RARS1: variants seen among roughly 807,000 people sequenced by gnomAD.
RARS1 encodes arginine--tRNA ligase, cytoplasmic.
A neutral mutation model predicts 78.7 loss-of-function variants in RARS1; 75 were observed. The ratio of observed to expected loss-of-function variants is 0.95; its 90% CI spans 0.79 to 1.15. The LOEUF is 1.15. Ranked by LOEUF, RARS1 falls within the 50% of genes most tolerant of loss-of-function variation. RARS1 has a pLI of 0.00. For missense variants in RARS1, 787 were observed against 787.5 expected (o/e 1.00, Z 0.01); for synonymous variants, 273 against 268.2 (o/e 1.02, Z -0.18).
intron 9 of RARS1, among the ~76,000 whole-genome samples, chr5:168,504,779 C>T (rs564062735): frequency 2.0e-5 from 3 of 151,796 alleles, no homozygotes; most frequent in South Asian, 2.1e-4. Flanking sequence ...GAGCCGAGAT[C>T]GCACCACTGC....
rs79321362 is a variant in RARS1, at chr5:168,510,417, T to C, written c.1347-164T>C. Among the ~76,000 whole-genome samples, 2,202 of 152,302 alleles carry C rather than the reference T, an allele frequency of 0.014. 28 individuals are homozygous for C. Among genetic ancestry groups the C allele is most frequent in the Non-Finnish European group, 0.024 (1,646 of 68,030 alleles). Reference sequence around the variant, plus strand: ...TGACTGGCATAAGGCATTGTTACCATTGGCATCAACCCTCTCTTAATAGTT... The same window carrying C: ...TGACTGGCATAAGGCATTGTTACCACTGGCATCAACCCTCTCTTAATAGTT... On this transcript the variant is annotated intron_variant, in intron 11 of 14. Transcript: ENST00000231572.
In RARS1 at chr5:168,502,956, T is replaced by G. The variant is rs371850363; in HGVS notation, c.1057+851T>G. ...CCTCTTTTTAAATTTCTTTTATTGT[T>G]GAAGAAACTGGGCTATTTGTCCTAA... On this transcript the variant is annotated intron_variant, in intron 9 of 14. Transcript: ENST00000231572. Among the ~76,000 whole-genome samples the G allele has an allele frequency of 3.9e-5, 6 of 152,274 alleles. No homozygotes were observed. In the East Asian group the frequency reaches 1.2e-3, roughly 29 times the overall value.
chr5:168,491,201 G>T (rs568463383), intron 2 of RARS1, among the ~76,000 whole-genome samples: 13 of 152,172 alleles, frequency 8.5e-5, no homozygotes, highest in African/African-American at 2.6e-4. Context: ...TTGGGTATAA[G>T]ATCATAATCT....
intron 5 of RARS1, 38 bp from the exon 6 acceptor site, chr5:168,495,277 G>A (rs1758160835): frequency 6.3e-7 from 1 of 1,595,650 alleles, no homozygotes; most frequent in African/African-American, 1.3e-5. Context: ...TTATGTTTAT[G>A]CCCCTCTTAA....
intron 9 of RARS1, 152 bp downstream of exon 9, chr5:168,502,257 C>T (rs1758342454): frequency 3.5e-6 from 4 of 1,128,562 alleles, no homozygotes; most frequent in Non-Finnish European, 4.6e-6. Context: ...TACCTTCTTA[C>T]ACTGCTTCCC....
chr5:168,494,606 C>G lies in RARS1; in HGVS notation c.535C>G (p.Leu179Val), dbSNP rs770649153. Residue 179 changes from leucine (L) to valine (V), a missense_variant, in exon 5 of 15, where the codon CTA becomes GTA. Transcript: ENST00000231572. ...DFVSEQLTSL[L>V]VNGVQLPALG... ...TGTATCAGAACAATTGACCAGTCTT[C>G]TAGTGAATGGAGTTCAACTACCTGC... 6 of 1,610,738 alleles carry G rather than the reference C, an allele frequency of 3.7e-6. No homozygotes were observed. The highest frequency in any genetic ancestry group is 2.2e-5 in the East Asian group (1 of 44,870).
At chr5:168,495,230 A>G (rs913269264) in intron 5 of RARS1, 85 bp from the exon 6 acceptor site, 1 of 1,494,582 alleles carries the variant, frequency 6.7e-7, no homozygotes, top group Admixed American at 2.0e-5. Context: ...CATTGGAACA[A>G]AATGTTTATG....
Position 168,510,698 on chromosome 5 carries a change from C to A in RARS1, c.1452+12C>A, listed in dbSNP as rs747204598. Reference sequence around the variant, plus strand: ...AAGAAAGAGACAAGGTAATTCAAAGCCTTATAGGCATAATGTGTATCAAGC... The same window carrying A: ...AAGAAAGAGACAAGGTAATTCAAAGACTTATAGGCATAATGTGTATCAAGC... On this transcript the variant is annotated intron_variant, in intron 12 of 14. Coordinates refer to ENST00000231572, the MANE Select transcript of RARS1 (RefSeq NM_002887.4). The A allele has an allele frequency of 6.1e-5, 94 of 1,549,592 alleles. 1 individual carries two copies. The South Asian group carries it at 9.2e-4, about 15-fold the overall frequency.
rs772789222 is a variant in RARS1, at chr5:168,494,508, A to G, written c.479-42A>G. ...ATCCTTAGGAGCGAGTGATTATTCA[A>G]GATAAGACAGTATCTGATATTTTTT... On this transcript the variant is annotated intron_variant, in intron 4 of 14. Coordinates refer to ENST00000231572, the MANE Select transcript of RARS1 (RefSeq NM_002887.4). 1.2e-5 allele frequency: 19 copies of G among 1,603,516 alleles called. No homozygotes were observed. The African/African-American group carries it at 2.4e-4, about 20-fold the overall frequency.
At chr5:168,488,876 T>C in intron 2 of RARS1, 140 bp downstream of exon 2, 1 of 1,004,194 alleles carries the variant, frequency 1.0e-6, no homozygotes, top group Non-Finnish European at 1.4e-6. Context: ...TTCCCTGCAT[T>C]AGACAACTTA....
chr5:168,492,963 C>A, intron 3 of RARS1, 116 bp downstream of exon 3: 1 of 1,039,200 alleles, frequency 9.6e-7, no homozygotes, highest in Non-Finnish European at 1.3e-6. Flanking sequence ...GGACATTTGC[C>A]ACAGTTTGAA....
At position 168,515,334 on chromosome 5, in the gene RARS1, C is replaced by T. The variant is rs542656315; in HGVS notation, c.1453-1444C>T. ...TCTTGCTCTTTTATCTTTTTCCCCC[C>T]ACAAGAGATAGGGGTCTATGTTGTC... On this transcript the variant is annotated intron_variant, in intron 12 of 14. Coordinates refer to ENST00000231572, the MANE Select transcript of RARS1 (RefSeq NM_002887.4). Among the ~76,000 whole-genome samples, 5 of 152,130 alleles carry T rather than the reference C, an allele frequency of 3.3e-5. No homozygotes were observed. The South Asian group carries it at 8.3e-4, about 25-fold the overall frequency.
chr5:168,496,635 A>G (rs990320856), intron 6 of RARS1, among the ~76,000 whole-genome samples: 1 of 151,372 alleles, frequency 6.6e-6, no homozygotes, highest in Non-Finnish European at 1.5e-5. Flanking sequence ...GGCGCCCACC[A>G]CCACACCCGG....
chr5:168,518,093 T>TTTTTTTTTTTTTG, intron 14 of RARS1, 31 bp downstream of exon 14: 1 of 1,416,402 alleles, frequency 7.1e-7, no homozygotes, highest in Non-Finnish European at 9.2e-7. Flanking sequence ...TTTTTTTTTT[T>TTTTTTTTTTTTTG]TTAGTGAGAG....
At chr5:168,519,042 G>T (rs745779884) in intron 14 of RARS1, 39 bp from the exon 15 acceptor site, 1 of 1,539,700 alleles carries the variant, frequency 6.5e-7, no homozygotes. Flanking sequence ...TTTCAAAAAG[G>T]AAAACAAGTT....
chr5:168,511,345 C>A (rs1259012530), intron 12 of RARS1, among the ~76,000 whole-genome samples: 2 of 151,844 alleles, frequency 1.3e-5, no homozygotes, highest in African/African-American at 4.8e-5. Flanking sequence ...GGGAAGGCCT[C>A]AGGGAACTTT....
chr5:168,497,946 G>A (rs1456350289), intron 7 of RARS1: 2 of 151,972 alleles, frequency 1.3e-5, no homozygotes, highest in Admixed American at 6.6e-5. Context: ...TCAAATTCTA[G>A]GTCAGGTGCG....
At chr5:168,508,024 C>G (rs72830969) in intron 11 of RARS1, among the ~76,000 whole-genome samples, 19,763 of 151,972 alleles carry the variant, frequency 0.13, 1,694 homozygotes, top group Non-Finnish European at 0.19. Flanking sequence ...GACTGTGTCT[C>G]AAAAACAAAA....
In RARS1 at chr5:168,506,370, A is replaced by G. The variant is rs560103412; in HGVS notation, c.1236+171A>G. ...GAGGGTTTGGACCCAGCCAAACTGG[A>G]CACTTCCTAGTTTTCCAGCTTGCCT... On this transcript the variant is annotated intron_variant, in intron 10 of 14. Coordinates refer to ENST00000231572, the MANE Select transcript of RARS1 (RefSeq NM_002887.4). Among the ~76,000 whole-genome samples, 312 of 152,310 alleles carry G rather than the reference A, an allele frequency of 2.0e-3. 1 individual carries two copies. Among genetic ancestry groups the G allele is most frequent in the Middle Eastern group, 3.4e-3 (1 of 294 alleles).
Sources: gnomAD v4.1 joint callset for allele counts (sites outside exome capture counted in the v4.1 genomes callset) on GRCh38, gnomAD v4.1.1 for gene constraint, MANE v1.5 for transcripts, NCBI Gene and HGNC (gene_info 2026-07-23, HGNC 2026-07-21) for gene names.